Variants in LSM11 observed in about 807,000 individuals in gnomAD.
The protein encoded by LSM11 is U7 snRNA-associated Sm-like protein LSm11.
In LSM11, 14 loss-of-function variants were observed where a neutral mutation model predicts 28.1. The observed-to-expected ratio is 0.50, with a 90% CI of 0.33 to 0.78. LSM11 has a LOEUF of 0.78. LSM11 is among the 30% of genes least tolerant of loss of function. The probability of loss-of-function intolerance (pLI) is 0.02; values close to 1 mark genes in which losing one functional copy is unlikely to be tolerated. For missense variants in LSM11, 495 were observed against 510.6 expected (o/e 0.97, Z 0.30); for synonymous variants, 207 against 214.2 (o/e 0.97, Z 0.30).
chr5:157,753,955 AAT>A, intron 2 of LSM11, 47 bp from the exon 3 acceptor site: 1 of 1,211,690 alleles, frequency 8.3e-7, no homozygotes, highest in Non-Finnish European at 1.1e-6. Context: ...CTATACAAAT[AAT>A]AATTTTAATT....
intron 2 of LSM11, among the ~76,000 whole-genome samples, chr5:157,752,777 C>T (rs767043786): frequency 1.2e-4 from 16 of 138,754 alleles, no homozygotes; most frequent in Non-Finnish European, 2.1e-4. Flanking sequence ...AGCTGGGAGG[C>T]GGAGGTTGCA....
In LSM11 at chr5:157,751,384, T is replaced by C. The variant is rs1413972987; in HGVS notation, c.449-6T>C. 4 of 1,577,824 alleles carry C rather than the reference T, an allele frequency of 2.5e-6. No individual in the cohort carries two copies. The Admixed American group carries it at 6.0e-5, about 24-fold the overall frequency. ...AACTGTCCTGACTGTTCTTCTCTTG[T>C]TTCAGTGCACGAAGGCAGCCCTCTG... On this transcript the variant is annotated splice_region_variant and splice_polypyrimidine_tract_variant and intron_variant, in intron 1 of 3. Coordinates refer to ENST00000286307, the MANE Select transcript of LSM11 (RefSeq NM_173491.4).
intron 2 of LSM11, among the ~76,000 whole-genome samples, chr5:157,751,859 C>A (rs1761237395): frequency 6.6e-6 from 1 of 152,118 alleles, no homozygotes; most frequent in African/African-American, 2.4e-5. Flanking sequence ...GCTAAACAGT[C>A]TACAACACAC....
chr5:157,743,715 T>G lies in LSM11; in HGVS notation c.-36T>G, dbSNP rs1204288507. On this transcript the variant is annotated 5_prime_UTR_variant, in exon 1 of 4. Transcript: ENST00000286307. ...GCCGCCCTCTGGCGGCTTCGTTCCT[T>G]CTTCCCATCGGCCTCGGCTTGCGGG... 2.3e-6 allele frequency: 3 copies of G among 1,300,846 alleles called. No homozygotes were observed. In the South Asian group the frequency reaches 5.9e-5, roughly 26 times the overall value. The allele number at this position is 1,300,846 out of a possible 1,614,324, so 80.6% of individuals were successfully genotyped here.
rs1761387532 is a variant in LSM11, at chr5:157,760,120, A to T, written c.*4856A>T. On this transcript the variant is annotated 3_prime_UTR_variant, in exon 4 of 4. Coordinates refer to ENST00000286307, the MANE Select transcript of LSM11 (RefSeq NM_173491.4). ...AAAAACACTCCTTGGAAAGATGGGG[A>T]CTGTCCCTTAGGAAAGCCATAAAAG... is the stretch of plus-strand genomic sequence containing the variant. 6.6e-6 allele frequency: 1 copy of T among 152,186 alleles called. No individual in the cohort carries two copies. The highest frequency in any genetic ancestry group is 6.5e-5 in the Admixed American group (1 of 15,282). 9.4% of individuals were successfully genotyped at this position (152,186 alleles called of 1,614,324 possible). A position where few individuals can be genotyped will look rare whatever the true frequency, so the allele number is the denominator to read the frequency against.
In LSM11 at chr5:157,751,440, G is replaced by T; in HGVS notation, c.499G>T (p.Val167Leu). The T allele has an allele frequency of 1.9e-6, 3 of 1,612,306 alleles. No individual in the cohort carries two copies. Among genetic ancestry groups the T allele is most frequent in the Non-Finnish European group, 2.5e-6 (3 of 1,179,360 alleles). The part of the protein sequence containing the change: ...GELHRCIREG[V>L]KVNVHIRTFK... ...ACTCCATCGCTGTATCCGTGAGGGGGTGAAGGTGAATGTTCACATCCGCAC... is the reference window on the plus strand; with the variant it reads ...ACTCCATCGCTGTATCCGTGAGGGGTTGAAGGTGAATGTTCACATCCGCAC... The change falls in exon 2 of 4, where the codon GTG becomes TTG. Residue 167 changes from valine (V) to leucine (L), a missense_variant. By Grantham distance (32) the Val-to-Leu change is conservative (BLOSUM62 1). Transcript: ENST00000286307.
chr5:157,751,127 G>A (rs368114877), intron 1 of LSM11, among the ~76,000 whole-genome samples: 6 of 152,102 alleles, frequency 3.9e-5, no homozygotes, highest in Admixed American at 6.5e-5. Context: ...CAGTGACATC[G>A]TGGAATAAGA....
At position 157,743,861 on chromosome 5, in the gene LSM11, G is replaced by C. The variant is rs758170222; in HGVS notation, c.111G>C (p.Leu37=). Residue 37 remains leucine (L), a synonymous_variant, in exon 1 of 4, where the codon CTG becomes CTC. Coordinates refer to ENST00000286307, the MANE Select transcript of LSM11 (RefSeq NM_173491.4). ...SSDSFDPLLA[L]YAPRLPPIPY... ...ACAGCTTCGACCCGCTGCTGGCCCT[G>C]TACGCGCCCCGCCTGCCTCCCATTC... The C allele has an allele frequency of 7.7e-6, 12 of 1,559,642 alleles. No homozygotes were observed. Among genetic ancestry groups the C allele is most frequent in the Non-Finnish European group, 8.7e-6 (10 of 1,155,678 alleles).
intron 1 of LSM11, among the ~76,000 whole-genome samples, chr5:157,749,506 A>G (rs947682536): frequency 2.0e-5 from 3 of 152,244 alleles, no homozygotes; most frequent in African/African-American, 7.2e-5. Flanking sequence ...ACAACTAGTT[A>G]TAATGACCTG....
chr5:157,749,998 A>G lies in LSM11; in HGVS notation c.449-1392A>G, dbSNP rs909357185. Among the ~76,000 whole-genome samples, 3 of 152,236 alleles carry G rather than the reference A, an allele frequency of 2.0e-5. No individual in the cohort carries two copies. The East Asian group carries it at 5.8e-4, about 29-fold the overall frequency. On this transcript the variant is annotated intron_variant, in intron 1 of 3. Coordinates refer to ENST00000286307, the MANE Select transcript of LSM11 (RefSeq NM_173491.4). ...GTCTACTGTCAATGCCAAATACTCTATATATCCAGACTTCTAAGACCTGAC... is the reference window on the plus strand; with the variant it reads ...GTCTACTGTCAATGCCAAATACTCTGTATATCCAGACTTCTAAGACCTGAC...
chr5:157,744,298 A>C, intron 1 of LSM11, 100 bp downstream of exon 1: 1 of 933,182 alleles, frequency 1.1e-6, no homozygotes, highest in Non-Finnish European at 1.4e-6. Flanking sequence ...GCGGGTCTGC[A>C]CGTATTGCGG....
intron 2 of LSM11, 81 bp from the exon 3 acceptor site, chr5:157,753,923 T>G: frequency 5.8e-6 from 1 of 171,524 alleles, no homozygotes; most frequent in Non-Finnish European, 8.0e-6. Context: ...TTACTCTGCC[T>G]TTTTTTTTTT....
Position 157,743,977 on chromosome 5 carries a change from G to GC in LSM11, c.227_228insC (p.Ala77GlyfsTer82), listed in dbSNP as rs1292738936. 32 of 1,260,204 alleles carry GC rather than the reference G, an allele frequency of 2.5e-5. No homozygotes were observed. The highest frequency in any genetic ancestry group is 2.2e-4 in the East Asian group (7 of 31,142). The allele number at this position is 1,260,204 out of a possible 1,614,324, so 78.1% of individuals were successfully genotyped here. A position where few individuals can be genotyped will look rare whatever the true frequency, so the allele number is the denominator to read the frequency against. On this transcript the variant is annotated frameshift_variant, in exon 1 of 4. Transcript: ENST00000286307. LOFTEE classifies it high-confidence loss of function. ...CGGGGCGGCGGGCGCGGGCGCGGGC[G>GC]GGCTCGGGGCGCGGCCGCGGGCTCT...
In LSM11 at chr5:157,755,103, A is replaced by G; in HGVS notation, c.922A>G (p.Ser308Gly). The change falls in exon 4 of 4, where the codon AGT becomes GGT. Residue 308 changes from serine to glycine, a missense_variant. Physicochemically the swap from Ser to Gly is moderately conservative, Grantham distance 56. Transcript: ENST00000286307. ...GAGGACTACACGGACAGACGGCTCC[A>G]GTGTGGGAGGTACCTTTTCCAGGGC... ...SGRTTRTDGS[S>G]VGGTFSRATT... The G allele has an allele frequency of 6.2e-7, 1 of 1,614,228 alleles. No homozygotes were observed. The highest frequency in any genetic ancestry group is 1.1e-5 in the South Asian group (1 of 91,090).
intron 2 of LSM11, among the ~76,000 whole-genome samples, chr5:157,751,860 T>G (rs1478468883): frequency 6.6e-6 from 1 of 152,176 alleles, no homozygotes; most frequent in Non-Finnish European, 1.5e-5. Flanking sequence ...CTAAACAGTC[T>G]ACAACACACA....
In LSM11 at chr5:157,759,405, C is replaced by T. The variant is rs964159545; in HGVS notation, c.*4141C>T. ...CTTGCACCATTTCCATAGCAGCTGA[C>T]AAAGGCAAAATCATGAAATAGAATC... On this transcript the variant is annotated 3_prime_UTR_variant, in exon 4 of 4. Transcript: ENST00000286307. The T allele has an allele frequency of 6.6e-6, 1 of 152,168 alleles. No individual in the cohort carries two copies. Among genetic ancestry groups the T allele is most frequent in the Non-Finnish European group, 1.5e-5 (1 of 68,032 alleles). 9.4% of individuals were successfully genotyped at this position (152,168 alleles called of 1,614,324 possible).
At chr5:157,747,452 A>G (rs1455854079) in intron 1 of LSM11, 2 of 214,370 alleles carry the variant, frequency 9.3e-6, no homozygotes, top group African/African-American at 2.3e-5. Flanking sequence ...GTCTAGGTGA[A>G]TGGCTTGTCT....
At position 157,743,722 on chromosome 5, in the gene LSM11, A is replaced by G. The variant is rs1443894741; in HGVS notation, c.-29A>G. Reference sequence around the variant, plus strand: ...TCTGGCGGCTTCGTTCCTTCTTCCCATCGGCCTCGGCTTGCGGGCCTTTCA... The same window carrying G: ...TCTGGCGGCTTCGTTCCTTCTTCCCGTCGGCCTCGGCTTGCGGGCCTTTCA... On this transcript the variant is annotated 5_prime_UTR_variant, in exon 1 of 4. Transcript: ENST00000286307. 3.0e-6 allele frequency: 4 copies of G among 1,314,644 alleles called. No homozygotes were observed. The highest frequency in any genetic ancestry group is 3.9e-5 in the South Asian group (2 of 51,900). The allele number at this position is 1,314,644 out of a possible 1,614,324, so 81.4% of individuals were successfully genotyped here.
rs1157993224 is a variant in LSM11 at position 157,755,804 on chromosome 5, A to G, written c.*540A>G. ...ATTATCTTTGAATATCTACAAGGAA[A>G]GTTACCAACTTATGTAGGGGTGAAA... On this transcript the variant is annotated 3_prime_UTR_variant, in exon 4 of 4. Coordinates refer to ENST00000286307, the MANE Select transcript of LSM11 (RefSeq NM_173491.4). The G allele has an allele frequency of 5.0e-6, 2 of 401,218 alleles. No homozygotes were observed. Among genetic ancestry groups the G allele is most frequent in the African/African-American group, 4.1e-5 (2 of 48,566 alleles). 24.9% of individuals were successfully genotyped at this position (401,218 alleles called of 1,614,324 possible).
Sources: allele counts gnomAD v4.1 joint callset (sites outside exome capture counted in the v4.1 genomes callset), GRCh38; gene constraint gnomAD v4.1.1; transcripts MANE v1.5; gene names NCBI Gene and HGNC (gene_info 2026-07-23, HGNC 2026-07-21).